Variants in DPP10 observed in about 807,000 individuals in gnomAD.
DPP10 encodes the protein dipeptidyl peptidase like 10, also known as inactive dipeptidyl peptidase 10.
Under a neutral mutation model 120.9 loss-of-function variants are expected in DPP10, and 33 were observed. The observed-to-expected ratio is 0.27, with a 90% confidence interval of 0.21 to 0.37. The LOEUF is 0.37. DPP10 is among the 10% of genes least tolerant of loss of function. The pLI is 1.00. For missense variants in DPP10, 816 were observed against 942.8 expected, an observed-to-expected ratio of 0.87 and a Z score of 1.76; for synonymous variants, 337 against 326.1, an observed-to-expected ratio of 1.03 and a Z score of -0.36.
At chr2:114,861,939 C>T (rs776901092) in intron 1 of DPP10, among the ~76,000 whole-genome samples, 10 of 151,824 alleles carry the variant, frequency 6.6e-5, no homozygotes, top group Non-Finnish European at 1.3e-4. Context: ...ATTTTGTCTC[C>T]ATCACAAAAA....
chr2:114,942,410 TA>T (rs1558904480), intron 1 of DPP10, among the ~76,000 whole-genome samples: 3 of 145,132 alleles, frequency 2.1e-5, no homozygotes, highest in African/African-American at 5.1e-5. Context: ...CACATATATA[TA>T]TATATATATA....
At chr2:114,516,062 C>G (rs1211316613) in intron 1 of DPP10, among the ~76,000 whole-genome samples, 1 of 152,170 alleles carries the variant, frequency 6.6e-6, no homozygotes, top group African/African-American at 2.4e-5. Context: ...CCCCACCCTC[C>G]TAAGTCTCTG....
intron 3 of DPP10, among the ~76,000 whole-genome samples, chr2:115,467,126 A>C (rs1240444251): frequency 6.6e-6 from 1 of 152,166 alleles, no homozygotes; most frequent in African/African-American, 2.4e-5. Flanking sequence ...TAAGGGAGCA[A>C]TAAAGAAGAA....
chr2:115,510,419 T>C (rs1436870200), intron 4 of DPP10, among the ~76,000 whole-genome samples: 3 of 152,184 alleles, frequency 2.0e-5, no homozygotes, highest in Non-Finnish European at 4.4e-5. Context: ...GATTTTTTTT[T>C]CTGTTGAATA....
intron 1 of DPP10, among the ~76,000 whole-genome samples, chr2:114,579,768 T>C (rs897294936): frequency 6.6e-6 from 1 of 152,184 alleles, no homozygotes; most frequent in Non-Finnish European, 1.5e-5. Context: ...AGCCATGTTA[T>C]TTGTTCCGGA....
intron 19 of DPP10, among the ~76,000 whole-genome samples, chr2:115,809,702 G>A (rs114157588): frequency 0.018 from 2,781 of 152,256 alleles, 88 homozygotes; most frequent in African/African-American, 0.061. Context: ...TGACTATAAA[G>A]CAGTTCTCTC....
chr2:115,540,987 C>T (rs1229673547), intron 5 of DPP10, among the ~76,000 whole-genome samples: 2 of 151,732 alleles, frequency 1.3e-5, no homozygotes, highest in Non-Finnish European at 2.9e-5. Flanking sequence ...CTCATAATTT[C>T]TAAGCAAAAG....
chr2:115,807,298 A>C (rs772610691), intron 19 of DPP10, among the ~76,000 whole-genome samples: 3 of 152,050 alleles, frequency 2.0e-5, no homozygotes, highest in Non-Finnish European at 4.4e-5. Flanking sequence ...GTCCTTTTCT[A>C]TTGGTTGTAT....
At chr2:115,499,861 A>T (rs62154959) in intron 4 of DPP10, among the ~76,000 whole-genome samples, 5,936 of 152,060 alleles carry the variant, frequency 0.039, 185 homozygotes, top group Middle Eastern at 0.078. Context: ...AGAAAGAATA[A>T]TTTTCCCAAT....
chr2:115,447,591 G>T (rs1574874137), intron 3 of DPP10, among the ~76,000 whole-genome samples: 1 of 152,128 alleles, frequency 6.6e-6, no homozygotes, highest in African/African-American at 2.4e-5. Flanking sequence ...CTCCCATGCT[G>T]CTCTTGTGAT....
chr2:114,487,721 C>T (rs1014114600), intron 1 of DPP10, among the ~76,000 whole-genome samples: 5 of 152,100 alleles, frequency 3.3e-5, no homozygotes. Flanking sequence ...TTCCCTCAAA[C>T]CCACTCTGGC....
intron 4 of DPP10, among the ~76,000 whole-genome samples, chr2:115,502,729 C>G (rs560700630): frequency 1.3e-5 from 2 of 152,208 alleles, no homozygotes; most frequent in East Asian, 3.9e-4. Context: ...CTCTTGCTCT[C>G]TTGCCCAGGC....
intron 1 of DPP10, among the ~76,000 whole-genome samples, chr2:114,958,304 G>C (rs1032524559): frequency 3.9e-5 from 6 of 152,126 alleles, no homozygotes; most frequent in African/African-American, 1.4e-4. Flanking sequence ...ACATACTCTT[G>C]AGTTAGGTTT....
Position 115,784,188 on chromosome 2 carries a change from T to G in DPP10, c.1531+1789T>G, listed in dbSNP as rs547693122. The stretch of plus-strand genomic sequence containing the variant: ...CTGTGAATAGTGGTCAAGTGCTTAA[T>G]TTTCTTTTCAAAAGATAATTACTTA... On this transcript the variant is annotated intron_variant, in intron 17 of 25. Transcript: ENST00000410059. Among the ~76,000 whole-genome samples, 5 of 152,294 alleles carry G rather than the reference T, an allele frequency of 3.3e-5. No individual in the cohort carries two copies. In the South Asian group the frequency reaches 1.0e-3, roughly 32 times the overall value.
chr2:115,799,481 C>T (rs932734699), intron 19 of DPP10, among the ~76,000 whole-genome samples: 1 of 151,780 alleles, frequency 6.6e-6, no homozygotes, highest in Non-Finnish European at 1.5e-5. Flanking sequence ...ATGTGCACAA[C>T]ATGCAGGTTT....
At chr2:114,652,177 C>T (rs138121470) in intron 1 of DPP10, among the ~76,000 whole-genome samples, 295 of 152,170 alleles carry the variant, frequency 1.9e-3, no homozygotes, top group Middle Eastern at 6.8e-3. Flanking sequence ...GGTGGGTTCC[C>T]CTGTGGAGGA....
rs143667143 is a variant in DPP10, at chr2:114,741,394, GGA to G, written c.60+298562_60+298563del. 3.5e-3 allele frequency among the ~76,000 whole-genome samples: 532 copies of G among 152,270 alleles called. 2 individuals carry two copies. The highest frequency in any genetic ancestry group is 0.012 in the African/African-American group (501 of 41,564). On this transcript the variant is annotated intron_variant, in intron 1 of 25. Coordinates refer to ENST00000410059, the MANE Select transcript of DPP10 (RefSeq NM_020868.6). ...GGAGAGCTGGATGGGTGCTAATGAT[GGA>G]GAGAGTGTCAAGGAGAAAGGAGGTG...
At position 114,786,792 on chromosome 2, in the gene DPP10, T is replaced by A. The variant is rs932076092; in HGVS notation, c.60+343954T>A. On this transcript the variant is annotated intron_variant, in intron 1 of 25. Transcript: ENST00000410059. Reference sequence around the variant, plus strand: ...AAACAACCAAAGCAGTGTGGTGTTCTGGTCAAAAAAGCCACCTGGGCCAGC... The same window carrying A: ...AAACAACCAAAGCAGTGTGGTGTTCAGGTCAAAAAAGCCACCTGGGCCAGC... Among the ~76,000 whole-genome samples, 6 of 152,208 alleles carry A rather than the reference T, an allele frequency of 3.9e-5. No homozygotes were observed. In the South Asian group the frequency reaches 1.2e-3, roughly 32 times the overall value.
Position 115,767,124 on chromosome 2 carries a change from T to C in DPP10, c.1114-1173T>C, listed in dbSNP as rs1255572382. 1.3e-5 allele frequency among the ~76,000 whole-genome samples: 2 copies of C among 152,124 alleles called. 1 individual carries two copies. The highest frequency in any genetic ancestry group is 1.3e-4 in the Admixed American group (2 of 15,258). On this transcript the variant is annotated intron_variant, in intron 12 of 25. Transcript: ENST00000410059. Reference sequence around the variant, plus strand: ...ATAGGGTAATAAGGAAACACCTTATTGATAAGGAGATTTCGGATTAGAGAC... The same window carrying C: ...ATAGGGTAATAAGGAAACACCTTATCGATAAGGAGATTTCGGATTAGAGAC...
Sources: allele counts gnomAD v4.1 joint callset (sites outside exome capture counted in the v4.1 genomes callset), GRCh38; gene constraint gnomAD v4.1.1; transcripts MANE v1.5; gene names NCBI Gene and HGNC (gene_info 2026-07-23, HGNC 2026-07-21).